CSMD1: variants seen among roughly 807,000 people sequenced by gnomAD.
CSMD1 encodes the protein CUB and sushi domain-containing protein 1.
CSMD1 carries 213 observed loss-of-function variants against 417.5 expected under a neutral mutation model. That is an observed-to-expected ratio of 0.51 (90% CI 0.46 to 0.57). The LOEUF is 0.57. Among genes scored for constraint, CSMD1 ranks in the 20% least tolerant of loss-of-function variants. The probability of loss-of-function intolerance (pLI) is 0.00; values close to 1 mark genes in which losing one functional copy is unlikely to be tolerated. For synonymous variants in CSMD1, 2,862 were observed against 1,736.8 expected (o/e 1.65, Z -16.11); for missense variants, 6,923 against 4,529.7 (o/e 1.53, Z -15.17).
chr8:3,372,816 G>C (rs549346827), intron 18 of CSMD1, among the ~76,000 whole-genome samples: 7 of 152,280 alleles, frequency 4.6e-5, no homozygotes, highest in African/African-American at 1.7e-4. Flanking sequence ...GGATAGAAGG[G>C]AGACCACAAC....
At chr8:3,622,791 ATTCC>A (rs36064001) in intron 7 of CSMD1, among the ~76,000 whole-genome samples, 101,211 of 151,774 alleles carry the variant, frequency 0.67, 34,177 homozygotes, top group African/African-American at 0.74. Flanking sequence ...CCAACTATGT[ATTCC>A]ATCCACACCA....
chr8:3,292,597 C>A (rs1375239653), intron 25 of CSMD1, among the ~76,000 whole-genome samples: 1 of 152,096 alleles, frequency 6.6e-6, no homozygotes, highest in African/African-American at 2.4e-5. Flanking sequence ...TTCTTTGTCT[C>A]TTTTGATCTT....
intron 3 of CSMD1, among the ~76,000 whole-genome samples, chr8:4,173,778 A>G (rs1016723186): frequency 2.6e-5 from 4 of 152,132 alleles, no homozygotes; most frequent in Non-Finnish European, 2.9e-5. Context: ...AACTCATTCT[A>G]TGACTCAAAA....
At chr8:4,428,764 G>C (rs1209032205) in intron 2 of CSMD1, among the ~76,000 whole-genome samples, 1 of 152,040 alleles carries the variant, frequency 6.6e-6, no homozygotes, top group Non-Finnish European at 1.5e-5. Flanking sequence ...TTGTCGCCCA[G>C]GCTGGAGTGC....
At chr8:3,855,745 G>A (rs770747407) in intron 5 of CSMD1, among the ~76,000 whole-genome samples, 29 of 152,268 alleles carry the variant, frequency 1.9e-4, no homozygotes, top group Non-Finnish European at 3.4e-4. Flanking sequence ...TGGGTCATGC[G>A]ATGTGAAATC....
intron 1 of CSMD1, among the ~76,000 whole-genome samples, chr8:4,918,366 A>G (rs879159665): frequency 1.3e-5 from 2 of 152,172 alleles, no homozygotes; most frequent in Admixed American, 1.3e-4. Context: ...TCAGAGTGAA[A>G]GGTGGGTGTT....
chr8:3,229,931 G>T, intron 27 of CSMD1, 109 bp downstream of exon 27: 1 of 799,338 alleles, frequency 1.3e-6, no homozygotes, highest in East Asian at 2.8e-5. Context: ...GAACATGAAA[G>T]AAACTCTTGA....
At chr8:4,278,226 G>A (rs938040444) in intron 3 of CSMD1, among the ~76,000 whole-genome samples, 1 of 152,144 alleles carries the variant, frequency 6.6e-6, no homozygotes, top group African/African-American at 2.4e-5. Flanking sequence ...CTTGGTAAGT[G>A]TTCAGTGAAG....
chr8:4,990,537 AT>A (rs201206206), intron 1 of CSMD1, among the ~76,000 whole-genome samples: 1 of 151,664 alleles, frequency 6.6e-6, no homozygotes, highest in Non-Finnish European at 1.5e-5. Context: ...CTAATTTCGT[AT>A]TTTTTTTGTA....
chr8:4,035,232 C>T (rs543060482), intron 3 of CSMD1, among the ~76,000 whole-genome samples: 72 of 152,150 alleles, frequency 4.7e-4, no homozygotes, highest in African/African-American at 1.6e-3. Context: ...GTGGTGACGC[C>T]GGTGTGAACA....
intron 12 of CSMD1, among the ~76,000 whole-genome samples, chr8:3,439,652 A>T (rs1323480133): frequency 6.6e-6 from 1 of 151,960 alleles, no homozygotes; most frequent in African/African-American, 2.4e-5. Flanking sequence ...TTTCATTTTG[A>T]TAAGGTAATA....
intron 5 of CSMD1, among the ~76,000 whole-genome samples, chr8:3,754,611 T>G (rs544395243): frequency 1.1e-3 from 164 of 152,276 alleles, no homozygotes; most frequent in Non-Finnish European, 1.6e-3. Context: ...TGCGCCATCA[T>G]GCCTGGCTAC....
At chr8:3,863,905 C>T (rs186984809) in intron 5 of CSMD1, among the ~76,000 whole-genome samples, 45 of 152,204 alleles carry the variant, frequency 3.0e-4, no homozygotes, top group African/African-American at 1.0e-3. Flanking sequence ...AAAACTGACA[C>T]GTATCCTTTA....
intron 1 of CSMD1, among the ~76,000 whole-genome samples, chr8:4,691,877 G>T (rs775588639): frequency 7.9e-5 from 12 of 152,212 alleles, no homozygotes; most frequent in Non-Finnish European, 1.5e-4. Flanking sequence ...ACACTCCTGT[G>T]ATTTGGCAGG....
At chr8:4,845,760 T>C (rs1441848202) in intron 1 of CSMD1, among the ~76,000 whole-genome samples, 1 of 152,156 alleles carries the variant, frequency 6.6e-6, no homozygotes, top group African/African-American at 2.4e-5. Context: ...AGGGAGCTGC[T>C]CAAGAATCAC....
At chr8:3,215,946 C>G (rs752530652) in intron 29 of CSMD1, among the ~76,000 whole-genome samples, 1 of 150,774 alleles carries the variant, frequency 6.6e-6, no homozygotes, top group Non-Finnish European at 1.5e-5. Flanking sequence ...TGATCATTGA[C>G]TTAATCATCG....
At chr8:4,188,148 T>C (rs944612980) in intron 3 of CSMD1, among the ~76,000 whole-genome samples, 7 of 152,236 alleles carry the variant, frequency 4.6e-5, no homozygotes, top group Admixed American at 3.3e-4. Flanking sequence ...ACACACATCC[T>C]AACGTATTTA....
chr8:4,028,560 T>C (rs1162700083), intron 4 of CSMD1, among the ~76,000 whole-genome samples: 1 of 152,140 alleles, frequency 6.6e-6, no homozygotes, highest in Non-Finnish European at 1.5e-5. Flanking sequence ...AATAAAAGCA[T>C]ACTGAAGGAA....
At chr8:4,212,360 G>A (rs769542614) in intron 3 of CSMD1, among the ~76,000 whole-genome samples, 2 of 151,826 alleles carry the variant, frequency 1.3e-5, no homozygotes, top group Admixed American at 1.3e-4. Context: ...CCAATTAAAA[G>A]GCTTTACACA....
Sources: allele counts gnomAD v4.1 joint callset (sites outside exome capture counted in the v4.1 genomes callset), GRCh38; gene constraint gnomAD v4.1.1; transcripts MANE v1.5; gene names NCBI Gene and HGNC (gene_info 2026-07-23, HGNC 2026-07-21).